The following BRD8 variants were observed in gnomAD, a reference collection of about 807,000 sequenced individuals.
The protein encoded by BRD8 is bromodomain containing 8.
In BRD8, 67 loss-of-function variants were observed where a neutral mutation model predicts 143.1. The observed-to-expected ratio is 0.47, with a 90% CI of 0.38 to 0.57. The LOEUF (loss-of-function observed/expected upper bound fraction) is 0.57, where lower values mean the gene tolerates loss of function less well. Ranked by LOEUF, BRD8 falls within the 20% of genes least tolerant of loss-of-function variation. BRD8 has a pLI of 0.00. For synonymous variants in BRD8, 505 were observed against 517.1 expected, an observed-to-expected ratio of 0.98 and a Z score of 0.32; for missense variants, 1,103 against 1,503.0, an observed-to-expected ratio of 0.73 and a Z score of 4.40.
At chr5:138,143,915 C>T (rs1752023356) in intron 25 of BRD8, among the ~76,000 whole-genome samples, 1 of 152,084 alleles carries the variant, frequency 6.6e-6, no homozygotes, top group African/African-American at 2.4e-5. Flanking sequence ...AAAAGCTGGC[C>T]CCTCAAGGCA....
chr5:138,142,601 A>G (rs1415277475), intron 25 of BRD8, among the ~76,000 whole-genome samples: 1 of 151,722 alleles, frequency 6.6e-6, no homozygotes, highest in Non-Finnish European at 1.5e-5. Flanking sequence ...TGTCTCTACT[A>G]AAAATACAAA....
intron 11 of BRD8, 119 bp downstream of exon 11, chr5:138,165,709 G>T: frequency 8.9e-7 from 1 of 1,124,778 alleles, no homozygotes; most frequent in Non-Finnish European, 1.2e-6. Context: ...CTGGATGAAA[G>T]AGCAAGACTC....
Position 138,166,576 on chromosome 5 carries a change from A to G in BRD8, c.939T>C (p.Pro313=). Residue 313 remains proline, a synonymous_variant, in exon 10 of 27, where the codon CCT becomes CCC. Transcript: ENST00000254900. ...GAGCAGAGGATGGTGCTGGCAGCGC[A>G]GGCATCATGACAATGGTAGCTTGGG... The part of the protein sequence containing the change: ...SVSQATIVMM[P]ALPAPSSAPA... 6.2e-7 allele frequency: 1 copy of G among 1,614,064 alleles called. No homozygotes were observed. Among genetic ancestry groups the G allele is most frequent in the Non-Finnish European group, 8.5e-7 (1 of 1,179,960 alleles).
chr5:138,175,611 G>A (rs1361387366), intron 2 of BRD8, among the ~76,000 whole-genome samples: 2 of 151,744 alleles, frequency 1.3e-5, no homozygotes, highest in Non-Finnish European at 2.9e-5. Context: ...ATGCTAAACT[G>A]GGAGGATCAC....
intron 8 of BRD8, among the ~76,000 whole-genome samples, chr5:138,168,934 A>G (rs1031297159): frequency 1.3e-5 from 2 of 152,184 alleles, no homozygotes; most frequent in Non-Finnish European, 2.9e-5. Flanking sequence ...ACCCACTACC[A>G]ATATTACATT....
chr5:138,146,913 T>C (rs2151182306), intron 23 of BRD8, among the ~76,000 whole-genome samples: 1 of 136,500 alleles, frequency 7.3e-6, no homozygotes. Context: ...GAGCTTGCAG[T>C]GAGCCGAGAT....
chr5:138,177,523 T>C (rs775255914), intron 2 of BRD8, 48 bp downstream of exon 2: 2 of 1,067,448 alleles, frequency 1.9e-6, no homozygotes, highest in Non-Finnish European at 2.9e-6. Flanking sequence ...TGAAAGAGTA[T>C]CTAACAATTT....
At chr5:138,140,642 C>T in intron 26 of BRD8, 63 bp downstream of exon 26, 8 of 1,537,036 alleles carry the variant, frequency 5.2e-6, no homozygotes, top group Non-Finnish European at 7.2e-6. Context: ...TCGAAATCAC[C>T]TTTATTCTCA....
At chr5:138,175,035 G>A (rs1223588514) in intron 2 of BRD8, among the ~76,000 whole-genome samples, 5 of 152,016 alleles carry the variant, frequency 3.3e-5, no homozygotes, top group South Asian at 2.1e-4. Context: ...GACTACAGGC[G>A]CACGCCGCCA....
chr5:138,165,230 T>C, intron 11 of BRD8, 64 bp from the exon 12 acceptor site: 1 of 1,517,848 alleles, frequency 6.6e-7, no homozygotes, highest in Non-Finnish European at 8.9e-7. Flanking sequence ...CAATTTTTGT[T>C]AGCACCAAAT....
intron 1 of BRD8, among the ~76,000 whole-genome samples, chr5:138,178,222 C>T (rs1754523049): frequency 6.6e-6 from 1 of 152,192 alleles, no homozygotes. Context: ...GACCCCACTT[C>T]CACTGCCTCA....
rs962632708 is a variant in BRD8 at position 138,140,035 on chromosome 5, G to T, written c.*39C>A. ...CTCTCTAGGTCAGAGTTCCGGGAGA[G>T]ATTCAAACTCTAGAAAAAGTCAGGA... On this transcript the variant is annotated 3_prime_UTR_variant, in exon 27 of 27. Coordinates refer to ENST00000254900, the MANE Select transcript of BRD8 (RefSeq NM_139199.2). The T allele has an allele frequency of 1.3e-6, 2 of 1,501,886 alleles. No homozygotes were observed. Among genetic ancestry groups the T allele is most frequent in the Non-Finnish European group, 1.9e-6 (2 of 1,077,762 alleles). 93.0% of individuals were successfully genotyped at this position (1,501,886 alleles called of 1,614,324 possible). A position where few individuals can be genotyped will look rare whatever the true frequency, so the allele number is the denominator to read the frequency against.
At chr5:138,153,248 CT>C (rs1752439304) in intron 20 of BRD8, among the ~76,000 whole-genome samples, 2 of 152,194 alleles carry the variant, frequency 1.3e-5, no homozygotes, top group Non-Finnish European at 2.9e-5. Context: ...TGGCATCCTT[CT>C]GGTCATATCC....
intron 20 of BRD8, among the ~76,000 whole-genome samples, chr5:138,158,133 C>T (rs980645030): frequency 3.9e-5 from 6 of 152,112 alleles, no homozygotes; most frequent in African/African-American, 1.4e-4. Context: ...AAGCCAGTTT[C>T]ATATCTATTA....
intron 20 of BRD8, chr5:138,157,505 G>A: frequency 1.8e-6 from 1 of 549,104 alleles, no homozygotes; most frequent in South Asian, 2.2e-5. Context: ...GAGGTCCTTG[G>A]AATTCACCTA....
intron 21 of BRD8, 137 bp from the exon 22 acceptor site, chr5:138,151,145 T>A: frequency 1.7e-6 from 2 of 1,166,088 alleles, no homozygotes; most frequent in Non-Finnish European, 2.4e-6. Flanking sequence ...TACAATCATC[T>A]AAAATCTGCC....
chr5:138,167,899 C>T (rs1421483992), intron 9 of BRD8, 35 bp downstream of exon 9: 1 of 1,597,520 alleles, frequency 6.3e-7, no homozygotes, highest in Admixed American at 1.7e-5. Flanking sequence ...AAGTTCAACA[C>T]CTTTGAGGTT....
intron 20 of BRD8, chr5:138,156,768 C>T: frequency 2.2e-6 from 2 of 907,802 alleles, no homozygotes; most frequent in Non-Finnish European, 2.6e-6. Flanking sequence ...GACTTTTCCC[C>T]TGTAACAATC....
At chr5:138,144,682 G>A (rs1752064407) in intron 25 of BRD8, among the ~76,000 whole-genome samples, 1 of 152,038 alleles carries the variant, frequency 6.6e-6, no homozygotes, top group Non-Finnish European at 1.5e-5. Context: ...CAGGTGGATT[G>A]CTTGAGCTCA....
Sources: allele counts gnomAD v4.1 joint callset (sites outside exome capture counted in the v4.1 genomes callset), GRCh38; gene constraint gnomAD v4.1.1; transcripts MANE v1.5; gene names NCBI Gene and HGNC (gene_info 2026-07-23, HGNC 2026-07-21).